PLCH2: variants seen among roughly 807,000 people sequenced by gnomAD.
PLCH2 encodes the protein 1-phosphatidylinositol 4,5-bisphosphate phosphodiesterase eta-2.
A neutral mutation model predicts 134.7 loss-of-function variants in PLCH2; 98 were observed. The ratio of observed to expected loss-of-function variants is 0.73; its 90% CI spans 0.62 to 0.86. The LOEUF (loss-of-function observed/expected upper bound fraction) is 0.86, where lower values mean the gene tolerates loss of function less well. Among genes scored for constraint, PLCH2 ranks in the 40% least tolerant of loss-of-function variants. The pLI, the probability that PLCH2 is intolerant of heterozygous loss-of-function variation, is 0.00. For missense variants in PLCH2, 1,994 were observed against 1,986.6 expected, an observed-to-expected ratio of 1.00 and a Z score of -0.07; for synonymous variants, 974 against 827.5, an observed-to-expected ratio of 1.18 and a Z score of -3.04.
intron 2 of PLCH2, among the ~76,000 whole-genome samples, chr1:2,454,845 G>A (rs1436389122): frequency 1.3e-5 from 2 of 152,182 alleles, no homozygotes; most frequent in African/African-American, 4.8e-5. Context: ...GGGCTCAGTG[G>A]CAGTGTGGGT....
In PLCH2 at chr1:2,491,237, C is replaced by G; in HGVS notation, c.1561C>G (p.Leu521Val). Residue 521 changes from leucine (L) to valine (V), a missense_variant, in exon 11 of 22, where the codon CTG (leucine) becomes GTG (valine). By Grantham distance (32) the Leu-to-Val change is conservative (BLOSUM62 1). Coordinates refer to ENST00000378486, the MANE Select transcript of PLCH2 (RefSeq NM_014638.4). ...TGTAGAAAACACTGCTAAGAGGAAACTGGATTCCCTCATCAAAGAGTCGAA... is the reference window on the plus strand; with the variant it reads ...TGTAGAAAACACTGCTAAGAGGAAAGTGGATTCCCTCATCAAAGAGTCGAA... ...KRVENTAKRK[L>V]DSLIKESKIR... The G allele has an allele frequency of 6.2e-7, 1 of 1,613,164 alleles. No homozygotes were observed. The highest frequency in any genetic ancestry group is 8.5e-7 in the Non-Finnish European group (1 of 1,179,748).
chr1:2,434,240 G>A (rs957509307), intron 2 of PLCH2, among the ~76,000 whole-genome samples: 6 of 152,206 alleles, frequency 3.9e-5, no homozygotes, highest in African/African-American at 9.6e-5. Context: ...GGGGCACCGC[G>A]CCTTCCCCAG....
At chr1:2,480,445 G>A (rs927058363) in intron 4 of PLCH2, 133 bp downstream of exon 4, 2 of 1,030,696 alleles carry the variant, frequency 1.9e-6, no homozygotes, top group African/African-American at 1.6e-5. Context: ...GCACAGAGTA[G>A]CTGGCTGCTG....
rs1274208124 is a variant in PLCH2 at position 2,502,199 on chromosome 1, G to A, written c.2749G>A (p.Ala917Thr). ...LDSHAAGRPP[A>T]RPSVSQRILR... is the part of the protein sequence containing the mutation. ...CAGTCATGCTGCTGGGCGGCCCCCG[G>A]CCCGGCCCTCCGTTAGCCAGCGGAT... Residue 917 changes from alanine (A) to threonine (T), a missense_variant, in exon 21 of 22, where the codon GCC (alanine) becomes ACC (threonine). Physicochemically the swap from Ala to Thr is moderately conservative, Grantham distance 58. Coordinates refer to ENST00000378486, the MANE Select transcript of PLCH2 (RefSeq NM_014638.4). 2 of 1,536,926 alleles carry A rather than the reference G, an allele frequency of 1.3e-6. No individual in the cohort carries two copies. The highest frequency in any genetic ancestry group is 1.7e-6 in the Non-Finnish European group (2 of 1,143,620).
intron 1 of PLCH2, among the ~76,000 whole-genome samples, chr1:2,477,900 C>T (rs1432699710): frequency 1.3e-5 from 2 of 152,192 alleles, no homozygotes; most frequent in Non-Finnish European, 2.9e-5. Flanking sequence ...GGAATTCGAC[C>T]GCTCCCAGGA....
In PLCH2 at chr1:2,504,789, T is replaced by C; in HGVS notation, c.3827T>C (p.Leu1276Pro). ...APSFEGGSRR[L>P]SHSLGLPGGT... is the part of the protein sequence containing the mutation. ...AGCTTTGAGGGCGGCTCCCGCAGAC[T>C]GAGCCACAGCCTGGGCCTCCCGGGA... Residue 1276 changes from leucine (L) to proline (P), a missense_variant, in exon 22 of 22, where the codon CTG becomes CCG. Transcript: ENST00000378486. 1 of 1,612,042 alleles carries C rather than the reference T, an allele frequency of 6.2e-7. No homozygotes were observed. The highest frequency in any genetic ancestry group is 8.5e-7 in the Non-Finnish European group (1 of 1,179,664).
At chr1:2,501,286 T>G (rs1480233360) in intron 20 of PLCH2, 1 of 152,162 alleles carries the variant, frequency 6.6e-6, no homozygotes, top group Non-Finnish European at 1.5e-5. Flanking sequence ...GCATCTGGCA[T>G]GTGAGGGCCC....
Position 2,505,346 on chromosome 1 carries a change from C to A in PLCH2, c.*133C>A. On this transcript the variant is annotated 3_prime_UTR_variant, in exon 22 of 22. Coordinates refer to ENST00000378486, the MANE Select transcript of PLCH2 (RefSeq NM_014638.4). ...CTGCCCTGTGTCCCCTCCACCCCTG[C>A]CTCCCTCCTGCCCCTGCTCCCGGGG... The A allele has an allele frequency of 1.5e-6, 1 of 651,658 alleles. No homozygotes were observed. Among genetic ancestry groups the A allele is most frequent in the Non-Finnish European group, 2.5e-6 (1 of 392,378 alleles). 40.4% of individuals were successfully genotyped at this position (651,658 alleles called of 1,614,324 possible).
chr1:2,435,952 TCCTCCTC>T (rs1639309208), intron 2 of PLCH2, among the ~76,000 whole-genome samples: 1 of 77,280 alleles, frequency 1.3e-5, no homozygotes, highest in Non-Finnish European at 2.8e-5. Flanking sequence ...CTCCCTCCTC[TCCTCCTC>T]CCTCCTCCCT....
chr1:2,450,500 C>G (rs955867020), intron 2 of PLCH2, among the ~76,000 whole-genome samples: 6 of 150,552 alleles, frequency 4.0e-5, no homozygotes, highest in African/African-American at 1.5e-4. Flanking sequence ...GCGCCCTATA[C>G]AGCCTGCCCC....
At chr1:2,503,268 G>C (rs1036540796) in intron 21 of PLCH2, 2 of 561,340 alleles carry the variant, frequency 3.6e-6, no homozygotes, top group African/African-American at 3.8e-5. Context: ...CTGGCGACCT[G>C]CATGGCCCCT....
chr1:2,437,745 CCA>C (rs771841863), intron 2 of PLCH2, among the ~76,000 whole-genome samples: 8 of 152,214 alleles, frequency 5.3e-5, no homozygotes, highest in Non-Finnish European at 1.2e-4. Context: ...CGTGTGCATA[CCA>C]CACACATACG....
intron 13 of PLCH2, 34 bp downstream of exon 13, chr1:2,495,604 A>G (rs1329459485): frequency 1.4e-6 from 2 of 1,476,304 alleles, no homozygotes; most frequent in African/African-American, 2.8e-5. Context: ...GGCCCCGCAC[A>G]CTCCTGGGAG....
At position 2,496,735 on chromosome 1, in the gene PLCH2, C is replaced by T. The variant is rs535851864; in HGVS notation, c.1933+31C>T. The stretch of plus-strand genomic sequence containing the variant: ...TGGCTCGGGGACCTGGGGCCACGGG[C>T]GGAGGCCTCCCTGTCCCCCATCCCT... On this transcript the variant is annotated intron_variant, in intron 14 of 21. Coordinates refer to ENST00000378486, the MANE Select transcript of PLCH2 (RefSeq NM_014638.4). The T allele has an allele frequency of 2.6e-5, 42 of 1,607,944 alleles. No homozygotes were observed. The East Asian group carries it at 4.3e-4, about 16-fold the overall frequency.
In PLCH2 at chr1:2,503,478, G is replaced by A. The variant is rs1483887947; in HGVS notation, c.2960-444G>A. 3 of 622,184 alleles carry A rather than the reference G, an allele frequency of 4.8e-6. No individual in the cohort carries two copies. The African/African-American group carries it at 5.5e-5, about 11-fold the overall frequency. 38.5% of individuals were successfully genotyped at this position (622,184 alleles called of 1,614,324 possible). On this transcript the variant is annotated intron_variant, in intron 21 of 21. Transcript: ENST00000378486. ...TGGGCCCCAGGGCTTCGCTGCTTTG[G>A]GCTGAAGCACCCCACTAGAAGGGTG...
chr1:2,502,425 C>T lies in PLCH2; in HGVS notation c.2959+16C>T, dbSNP rs1481896311. ...AGCCCCCGAGGTAAGGCGCCAGCTG[C>T]GGTGGCAGAGAAGAGCCCTGTGCGA... On this transcript the variant is annotated intron_variant, in intron 21 of 21. Transcript: ENST00000378486. 12 of 1,543,800 alleles carry T rather than the reference C, an allele frequency of 7.8e-6. No individual in the cohort carries two copies. Among genetic ancestry groups the T allele is most frequent in the South Asian group, 2.4e-5 (2 of 83,974 alleles).
At chr1:2,472,875 G>A (rs1641398804), upstream of PLCH2, among the ~76,000 whole-genome samples, 1 of 152,152 alleles carries the variant, frequency 6.6e-6, no homozygotes, top group Non-Finnish European at 1.5e-5. Flanking sequence ...TGTCGTGGGA[G>A]GGGCTGCGGT....
chr1:2,436,043 T>TCC (rs1248645107), intron 2 of PLCH2, among the ~76,000 whole-genome samples: 4 of 76,748 alleles, frequency 5.2e-5, no homozygotes, highest in African/African-American at 5.2e-5. Context: ...CCCTCCTCCC[T>TCC]TCCTCTCTCC....
chr1:2,437,176 C>CA (rs1488928445), intron 2 of PLCH2, among the ~76,000 whole-genome samples: 2 of 152,186 alleles, frequency 1.3e-5, no homozygotes, highest in Non-Finnish European at 1.5e-5. Flanking sequence ...GTCCCCGGGT[C>CA]ATGGAGGGCT....
Sources: allele counts gnomAD v4.1 joint callset (sites outside exome capture counted in the v4.1 genomes callset), GRCh38; gene constraint gnomAD v4.1.1; transcripts MANE v1.5; gene names NCBI Gene and HGNC (gene_info 2026-07-23, HGNC 2026-07-21).